GTF3C2: variants seen among roughly 807,000 people sequenced by gnomAD.
The protein encoded by GTF3C2 is general transcription factor IIIC subunit 2.
A neutral mutation model predicts 117.4 loss-of-function variants in GTF3C2; 17 were observed. The observed-to-expected ratio is 0.14, with a 90% confidence interval of 0.10 to 0.22. The LOEUF (loss-of-function observed/expected upper bound fraction) is 0.22. Among genes scored for constraint, GTF3C2 ranks in the 10% least tolerant of loss-of-function variants. GTF3C2 has a pLI of 1.00. For synonymous variants in GTF3C2, 437 were observed against 427.0 expected (o/e 1.02, Z -0.29); for missense variants, 888 against 1,143.6 (o/e 0.78, Z 3.22).
chr2:27,338,665 T>G (rs542973710), intron 4 of GTF3C2, among the ~76,000 whole-genome samples: 14 of 152,056 alleles, frequency 9.2e-5, no homozygotes, highest in African/African-American at 3.4e-4. Context: ...GCCTCCTGAG[T>G]AGCTGGGACT....
At chr2:27,327,274 T>C (rs897450884) in exon 18 of GTF3C2, 6 of 1,576,488 alleles carry the variant, frequency 3.8e-6, no homozygotes, top group Non-Finnish European at 5.2e-6. Context: ...GAGCAGATCA[T>C]GGAATGAACC....
chr2:27,326,440 CTT>C (rs1399541150), exon 19 of GTF3C2: 2 of 587,614 alleles, frequency 3.4e-6, no homozygotes, highest in African/African-American at 3.7e-5. Flanking sequence ...GAGCCATAGT[CTT>C]AGGCTGAGGA....
chr2:27,355,104 T>A (rs570455433), intron 1 of GTF3C2, among the ~76,000 whole-genome samples: 20 of 152,350 alleles, frequency 1.3e-4, no homozygotes, highest in African/African-American at 4.8e-4. Flanking sequence ...TCTTTTTAAT[T>A]TTCGCCAATC....
At chr2:27,350,181 C>G (rs1326937182) in intron 1 of GTF3C2, 1 of 152,174 alleles carries the variant, frequency 6.6e-6, no homozygotes, top group African/African-American at 2.4e-5. Flanking sequence ...TCAGTTCAAG[C>G]AGAAAGGAAT....
intron 1 of GTF3C2, among the ~76,000 whole-genome samples, chr2:27,347,078 C>G (rs1226828833): frequency 1.3e-5 from 2 of 152,110 alleles, no homozygotes; most frequent in African/African-American, 4.8e-5. Context: ...AGTTGTATAA[C>G]CATGGGCCAA....
Position 27,329,302 on chromosome 2 carries a change from G to A in GTF3C2, c.1878-20C>T, listed in dbSNP as rs1365468713. On this transcript the variant is annotated intron_variant, in intron 13 of 18. Coordinates refer to ENST00000264720, the Ensembl canonical transcript of GTF3C2. This position sits in a 1 kb window ranked among gnomAD's most constrained non-coding sequence, Gnocchi z 4.5. ...AAATGGCTGTAAAAAGACGGGAGAA[G>A]GTCAAATCCAAACAAATCCGGAAGT... 2.5e-6 allele frequency: 4 copies of A among 1,613,990 alleles called. No individual in the cohort carries two copies. Among genetic ancestry groups the A allele is most frequent in the Non-Finnish European group, 3.4e-6 (4 of 1,179,994 alleles).
chr2:27,339,454 T>C (rs1296379166), intron 4 of GTF3C2: 1 of 151,358 alleles, frequency 6.6e-6, no homozygotes, highest in Non-Finnish European at 1.5e-5. Flanking sequence ...AAAGATCCTG[T>C]CTTTATTTAA....
In GTF3C2 at chr2:27,354,055, T is replaced by TAAAA. The variant is rs11399437; in HGVS notation, c.-25+2680_-25+2683dup. 9.9e-3 allele frequency among the ~76,000 whole-genome samples: 1,157 copies of TAAAA among 117,076 alleles called. 13 individuals carry two copies. Among genetic ancestry groups the TAAAA allele is most frequent in the African/African-American group, 0.035 (1,101 of 31,284 alleles). 76.8% of individuals were successfully genotyped at this position (117,076 alleles called of 152,430 possible). A position where few individuals can be genotyped will look rare whatever the true frequency, so the allele number is the denominator to read the frequency against. ...TATGTATAAAGACAAAGCAAAACATTAAAAAAAAAAAAAAAAAGGGTGGGA... is the reference window on the plus strand; with the variant it reads ...TATGTATAAAGACAAAGCAAAACATTAAAAAAAAAAAAAAAAAAAAAGGGTGGGA... On this transcript the variant is annotated intron_variant, in intron 1 of 18. Transcript: ENST00000264720.
At chr2:27,337,974 T>C in exon 5 of GTF3C2, 2 of 1,612,832 alleles carry the variant, frequency 1.2e-6, no homozygotes, top group African/African-American at 1.3e-5. Flanking sequence ...CATGATATGA[T>C]TTGGTAAGCC....
Position 27,328,498 on chromosome 2 carries a change from T to TA in GTF3C2, c.2225dup (p.Asn743LysfsTer14). 1 of 1,613,820 alleles carries TA rather than the reference T, an allele frequency of 6.2e-7. No homozygotes were observed. The highest frequency in any genetic ancestry group is 8.5e-7 in the Non-Finnish European group (1 of 1,179,684). On this transcript the variant is annotated frameshift_variant, in exon 16 of 19. Coordinates refer to ENST00000264720, the Ensembl canonical transcript of GTF3C2. LOFTEE classifies it high-confidence loss of function. ...TTCGCTCTACAGGTCGCTTGACATT[T>TA]ATTGGATTCAGTGCCATATCTGGTA...
chr2:27,333,905 C>T, intron 11 of GTF3C2, 69 bp downstream of exon 11: 1 of 1,457,704 alleles, frequency 6.9e-7, no homozygotes, highest in Non-Finnish European at 9.6e-7. Flanking sequence ...AGGAGACTCA[C>T]TGTGGAATCA....
chr2:27,327,264 G>A (rs764913410), exon 18 of GTF3C2: 2 of 1,598,964 alleles, frequency 1.3e-6, no homozygotes, highest in South Asian at 2.2e-5. Context: ...GTTCTCTACG[G>A]AGCAGATCAT....
chr2:27,351,432 A>T (rs1681134376), intron 1 of GTF3C2, among the ~76,000 whole-genome samples: 4 of 152,112 alleles, frequency 2.6e-5, no homozygotes, highest in Admixed American at 2.0e-4. Context: ...AAAATAAAAT[A>T]ATAACAAAAC....
chr2:27,329,051 C>T lies in GTF3C2; in HGVS notation c.2039+70G>A. 6.4e-7 allele frequency: 1 copy of T among 1,554,544 alleles called. No individual in the cohort carries two copies. The highest frequency in any genetic ancestry group is 1.7e-5 in the Admixed American group (1 of 59,780). On this transcript the variant is annotated intron_variant, in intron 14 of 18. Coordinates refer to ENST00000264720, the Ensembl canonical transcript of GTF3C2. This position sits in a 1 kb window ranked among gnomAD's most constrained non-coding sequence, Gnocchi z 4.5. ...ACTCTCTACCCTCCTCTCCCCACAA[C>T]AATCTGGCATGCTTTGCATTCCAAC...
chr2:27,350,625 C>T lies in GTF3C2; in HGVS notation c.-25+6114G>A, dbSNP rs187234443. ...GATCAGCCTGGGCAACACAGCAAGA[C>T]TTTGTCTCTGCAAAAAAATTTTTTT... On this transcript the variant is annotated intron_variant, in intron 1 of 18. Transcript: ENST00000264720. 601 of 484,390 alleles carry T rather than the reference C, an allele frequency of 1.2e-3. 4 individuals carry two copies. Among genetic ancestry groups the T allele is most frequent in the Non-Finnish European group, 1.4e-3 (541 of 376,462 alleles). The allele number at this position is 484,390 out of a possible 1,614,324, so 30.0% of individuals were successfully genotyped here. A position where few individuals can be genotyped will look rare whatever the true frequency, so the allele number is the denominator to read the frequency against.
intron 1 of GTF3C2, among the ~76,000 whole-genome samples, chr2:27,344,578 A>C (rs1019511360): frequency 1.3e-5 from 2 of 152,188 alleles, no homozygotes; most frequent in African/African-American, 2.4e-5. Flanking sequence ...TCCTCAAAAT[A>C]TACTACAAAA....
At chr2:27,334,223 C>T (rs1680377147) in intron 10 of GTF3C2, among the ~76,000 whole-genome samples, 1 of 151,486 alleles carries the variant, frequency 6.6e-6, no homozygotes, top group Non-Finnish European at 1.5e-5. Context: ...TCCTTTAGAC[C>T]TCCTCTGTGG....
chr2:27,335,764 T>G, intron 9 of GTF3C2, 58 bp from the exon 10 acceptor site: 1 of 1,244,158 alleles, frequency 8.0e-7, no homozygotes, highest in African/African-American at 1.5e-5. Context: ...CAGAAAACCT[T>G]TGAGGTTCTA....
At position 27,336,042 on chromosome 2, in the gene GTF3C2, G is replaced by A. The variant is rs773032578; in HGVS notation, c.1356-14C>T. 3.2e-6 allele frequency: 5 copies of A among 1,556,362 alleles called. No individual in the cohort carries two copies. The South Asian group carries it at 5.6e-5, about 17-fold the overall frequency. On this transcript the variant is annotated splice_polypyrimidine_tract_variant and intron_variant, in intron 8 of 18. Transcript: ENST00000264720. Reference sequence around the variant, plus strand: ...CTGTTGCCAGGACTGGAGAGAGAGAGCATGTGGGGATGGTGGGTAGGAAGA... The same window carrying A: ...CTGTTGCCAGGACTGGAGAGAGAGAACATGTGGGGATGGTGGGTAGGAAGA...
Sources: gnomAD v4.1 joint callset for allele counts (sites outside exome capture counted in the v4.1 genomes callset) on GRCh38, gnomAD v4.1.1 for gene constraint, Gnocchi (gnomAD v3.1) non-coding constraint, MANE v1.5 for transcripts, NCBI Gene and HGNC (gene_info 2026-07-23, HGNC 2026-07-21) for gene names.